SETBP1: variants seen among roughly 807,000 people sequenced by gnomAD.
SETBP1 encodes the protein SET-binding protein.
A neutral mutation model predicts 101.0 loss-of-function variants in SETBP1; 9 were observed. That is an observed-to-expected ratio of 0.09 (90% CI 0.05 to 0.16). The LOEUF is 0.16. SETBP1 is among the 10% of genes least tolerant of loss of function. The pLI, the probability that SETBP1 is intolerant of heterozygous loss-of-function variation, is 1.00. For synonymous variants in SETBP1, 818 were observed against 788.5 expected (o/e 1.04, Z -0.63); for missense variants, 1,858 against 2,033.8 (o/e 0.91, Z 1.66).
rs536863608 is a variant in SETBP1, at chr18:44,964,074, C to A, written c.4000+10734C>A. On this transcript the variant is annotated intron_variant, in intron 4 of 5. Transcript: ENST00000649279. ...GGATACCTCATCTCAGTTTGAATGT[C>A]CACAAGGAACTGGGATGTAGGCTGG... Among the ~76,000 whole-genome samples, 176 of 151,322 alleles carry A rather than the reference C, an allele frequency of 1.2e-3. 1 individual carries two copies. Among genetic ancestry groups the A allele is most frequent in the African/African-American group, 4.2e-3 (172 of 41,294 alleles).
chr18:44,946,708 T>C (rs1195120653), intron 3 of SETBP1, among the ~76,000 whole-genome samples: 1 of 152,188 alleles, frequency 6.6e-6, no homozygotes, highest in Admixed American at 6.5e-5. Flanking sequence ...CAAGCACTTA[T>C]CGAGAGCTTT....
At chr18:44,916,740 C>T (rs1252906731) in intron 3 of SETBP1, among the ~76,000 whole-genome samples, 1 of 152,196 alleles carries the variant, frequency 6.6e-6, no homozygotes, top group African/African-American at 2.4e-5. Context: ...ATTTAACTCC[C>T]AACTTTGCTA....
At chr18:44,856,507 C>G (rs1266938594) in intron 2 of SETBP1, among the ~76,000 whole-genome samples, 1 of 152,146 alleles carries the variant, frequency 6.6e-6, no homozygotes, top group Non-Finnish European at 1.5e-5. Context: ...TGAAATGTTT[C>G]TAGGTTGAGG....
intron 3 of SETBP1, among the ~76,000 whole-genome samples, chr18:44,933,224 C>T (rs570854017): frequency 9.4e-4 from 143 of 152,348 alleles, no homozygotes; most frequent in Non-Finnish European, 1.6e-3. Context: ...CCCCTCCAGA[C>T]CCTGTTTGCC....
chr18:45,025,731 G>A (rs1434715987), intron 4 of SETBP1, among the ~76,000 whole-genome samples: 3 of 152,168 alleles, frequency 2.0e-5, no homozygotes, highest in African/African-American at 7.2e-5. Context: ...AATGTATGCT[G>A]AATTGATTTC....
At chr18:44,970,930 A>G (rs1478127219) in intron 4 of SETBP1, among the ~76,000 whole-genome samples, 1 of 151,690 alleles carries the variant, frequency 6.6e-6, no homozygotes, top group Admixed American at 6.6e-5. Context: ...GGTTTGTTAC[A>G]TATGTATACA....
At chr18:44,904,404 G>A (rs1023534048) in intron 3 of SETBP1, among the ~76,000 whole-genome samples, 2 of 151,976 alleles carry the variant, frequency 1.3e-5, no homozygotes, top group Non-Finnish European at 2.9e-5. Context: ...CTTTGAATTC[G>A]CCTGCTCTTG....
rs566324325 is a variant in SETBP1, at chr18:44,925,498, G to C, written c.541-24383G>C. On this transcript the variant is annotated intron_variant, in intron 3 of 5. Coordinates refer to ENST00000649279, the MANE Select transcript of SETBP1 (RefSeq NM_015559.3). ...GAAGTTTACTGCCAGAATGGGGAGG[G>C]CTGTTGTTTTTGTTTTCTGTTCTCC... Among the ~76,000 whole-genome samples, 3 of 152,264 alleles carry C rather than the reference G, an allele frequency of 2.0e-5. No individual in the cohort carries two copies. In the South Asian group the frequency reaches 6.2e-4, roughly 32 times the overall value.
chr18:44,800,008 G>A (rs1460971763), intron 2 of SETBP1, among the ~76,000 whole-genome samples: 1 of 152,122 alleles, frequency 6.6e-6, no homozygotes, highest in Non-Finnish European at 1.5e-5. Context: ...CTTGGAAACT[G>A]TGGACAGCTG....
At position 44,701,215 on chromosome 18, in the gene SETBP1, A is replaced by C; in HGVS notation, c.-132A>C. On this transcript the variant is annotated 5_prime_UTR_variant, in exon 2 of 6. Transcript: ENST00000649279. Reference sequence around the variant, plus strand: ...CTTCTGAACACCTCATCGTGTCTCCATCCCTGGGAATCTGACCCTAGCAAC... The same window carrying C: ...CTTCTGAACACCTCATCGTGTCTCCCTCCCTGGGAATCTGACCCTAGCAAC... The C allele has an allele frequency of 1.0e-6, 1 of 958,540 alleles. No homozygotes were observed. Among genetic ancestry groups the C allele is most frequent in the East Asian group, 2.7e-5 (1 of 37,670 alleles). The allele number at this position is 958,540 out of a possible 1,614,324, so 59.4% of individuals were successfully genotyped here.
chr18:45,002,278 G>A (rs372307579), intron 4 of SETBP1, among the ~76,000 whole-genome samples: 12 of 150,786 alleles, frequency 8.0e-5, no homozygotes, highest in African/African-American at 2.7e-4. Context: ...GAGGGCAAGG[G>A]TTGAGAAGAA....
At chr18:44,694,414 G>A (rs1241468958) in intron 1 of SETBP1, among the ~76,000 whole-genome samples, 1 of 152,196 alleles carries the variant, frequency 6.6e-6, no homozygotes, top group Non-Finnish European at 1.5e-5. Flanking sequence ...GTTTAGCCAT[G>A]TTGGCCAGGC....
At position 44,951,105 on chromosome 18, in the gene SETBP1, C is replaced by A; in HGVS notation, c.1765C>A (p.Arg589=). Residue 589 remains arginine (R), a synonymous_variant, in exon 4 of 6, where the codon CGA becomes AGA. Transcript: ENST00000649279. This position sits in a 1 kb window ranked among gnomAD's most constrained non-coding sequence, Gnocchi z 7.8. ...VITPVKKKRG[R]PKKQPLLTVE... Reference sequence around the variant, plus strand: ...CACTCCAGTCAAAAAGAAGCGGGGACGACCAAAGAAGCAGCCTTTGCTCAC... The same window carrying A: ...CACTCCAGTCAAAAAGAAGCGGGGAAGACCAAAGAAGCAGCCTTTGCTCAC... 1 of 1,614,034 alleles carries A rather than the reference C, an allele frequency of 6.2e-7. No homozygotes were observed. The highest frequency in any genetic ancestry group is 1.1e-5 in the South Asian group (1 of 91,058).
intron 5 of SETBP1, among the ~76,000 whole-genome samples, chr18:45,041,020 C>A (rs1365738262): frequency 1.3e-5 from 2 of 152,240 alleles, no homozygotes; most frequent in South Asian, 2.1e-4. Context: ...TAGAAACACA[C>A]AGGCTGGGCT....
At chr18:44,876,605 G>A in intron 3 of SETBP1, 1 of 1,551,468 alleles carries the variant, frequency 6.4e-7, no homozygotes, top group East Asian at 2.4e-5. Flanking sequence ...AAGAGAAGAG[G>A]AGGCCAAGGC....
At chr18:44,960,017 T>C (rs952672123) in intron 4 of SETBP1, among the ~76,000 whole-genome samples, 1 of 152,166 alleles carries the variant, frequency 6.6e-6, no homozygotes, top group African/African-American at 2.4e-5. Context: ...GTTCATTCTC[T>C]TGTCTCAGCC....
rs2073914026 is a variant in SETBP1 at position 45,063,100 on chromosome 18, G to A, written c.4193G>A (p.Arg1398Lys). 1 of 1,613,888 alleles carries A rather than the reference G, an allele frequency of 6.2e-7. No individual in the cohort carries two copies. Among genetic ancestry groups the A allele is most frequent in the Admixed American group, 1.7e-5 (1 of 59,990 alleles). The change falls in exon 6 of 6, where the codon AGG becomes AAG. Residue 1398 changes from arginine (R) to lysine (K), a missense_variant. By Grantham distance (26) the Arg-to-Lys change is conservative (BLOSUM62 2). Coordinates refer to ENST00000649279, the MANE Select transcript of SETBP1 (RefSeq NM_015559.3). ...SDAVGSSLKK[R>K]FKRREIEAIQ... ...GCAGTCGGCTCCTCCCTGAAGAAGA[G>A]GTTCAAGCGGCGGGAGATCGAAGCC...
intron 3 of SETBP1, among the ~76,000 whole-genome samples, chr18:44,884,423 C>G (rs530849127): frequency 2.0e-5 from 3 of 152,190 alleles, no homozygotes; most frequent in Non-Finnish European, 4.4e-5. Context: ...CATATGTCCT[C>G]TCTATCTGCC....
chr18:45,028,948 C>G (rs1018569519), intron 4 of SETBP1, among the ~76,000 whole-genome samples: 1 of 152,040 alleles, frequency 6.6e-6, no homozygotes, highest in Non-Finnish European at 1.5e-5. Flanking sequence ...AAATTTTCTC[C>G]CATTTTGTAG....
Sources: allele counts gnomAD v4.1 joint callset (sites outside exome capture counted in the v4.1 genomes callset), GRCh38; gene constraint gnomAD v4.1.1; non-coding constraint Gnocchi (gnomAD v3.1); transcripts MANE v1.5; gene names NCBI Gene and HGNC (gene_info 2026-07-23, HGNC 2026-07-21).